Variants in NFRKB observed in about 807,000 individuals in gnomAD.
NFRKB encodes the protein nuclear factor related to kappa-B-binding protein.
A neutral mutation model predicts 135.7 loss-of-function variants in NFRKB; 62 were observed. That is an observed-to-expected ratio of 0.46 (90% CI 0.37 to 0.56). The LOEUF (loss-of-function observed/expected upper bound fraction) is 0.56, where lower values mean the gene tolerates loss of function less well. NFRKB is among the 20% of genes least tolerant of loss of function. NFRKB has a pLI of 0.00. For synonymous variants in NFRKB, 678 were observed against 635.6 expected, an observed-to-expected ratio of 1.07 and a Z score of -1.00; for missense variants, 1,545 against 1,662.0, an observed-to-expected ratio of 0.93 and a Z score of 1.22.
rs1948648521 is a variant in NFRKB, at chr11:129,874,078, T to C, written c.2279+35A>G. 2 of 1,579,644 alleles carry C rather than the reference T, an allele frequency of 1.3e-6. No individual in the cohort carries two copies. The highest frequency in any genetic ancestry group is 1.7e-6 in the Non-Finnish European group (2 of 1,161,210). ...TTAGGACATGCATACAAAAGAACTCTAGAACGAAAAAGCTGAAGAAAAGGA... is the reference window on the plus strand; with the variant it reads ...TTAGGACATGCATACAAAAGAACTCCAGAACGAAAAAGCTGAAGAAAAGGA... On this transcript the variant is annotated intron_variant, in intron 21 of 26. Transcript: ENST00000682444. This position sits in a 1 kb window ranked among gnomAD's most constrained non-coding sequence, Gnocchi z 4.5.
In NFRKB at chr11:129,864,997, T is replaced by G. The variant is rs764111640; in HGVS notation, c.3743A>C (p.Gln1248Pro). 1 of 1,613,276 alleles carries G rather than the reference T, an allele frequency of 6.2e-7. No homozygotes were observed. The highest frequency in any genetic ancestry group is 1.1e-5 in the South Asian group (1 of 91,044). The change falls in exon 26 of 27, where the codon CAG becomes CCG. Residue 1248 changes from glutamine (Q) to proline (P), a missense_variant. Around this residue, in one of 3 missense-constraint regions of NFRKB, gnomAD observed 753 missense variants for 804.3 expected, o/e 0.94. Coordinates refer to ENST00000682444, the MANE Select transcript of NFRKB (RefSeq NM_001143835.2). ...PVSFLTAQQL[Q>P]QLQQQGQATQ... is the part of the protein sequence containing the mutation. ...GGCCTGACCTTGCTGCTGAAGCTGC[T>G]GCAACTGCTGAGCAGTGAGGAAACT...
At chr11:129,894,697 T>G (rs892912618) in intron 1 of NFRKB, among the ~76,000 whole-genome samples, 12 of 152,206 alleles carry the variant, frequency 7.9e-5, no homozygotes, top group Admixed American at 7.9e-4. Context: ...CAGCACATGG[T>G]GAAATGACAT....
Position 129,884,124 on chromosome 11 carries a change from GT to G in NFRKB, c.761del (p.Asp254AlafsTer4). On this transcript the variant is annotated frameshift_variant, in exon 8 of 27. Coordinates refer to ENST00000682444, the MANE Select transcript of NFRKB (RefSeq NM_001143835.2). LOFTEE classifies it high-confidence loss of function. ...MKTADKVELG[D>X]SDLKIMLKKH... Reference sequence around the variant, plus strand: ...TCTTTAACATTATCTTCAGGTCACTGTCCCCCAGTTCTACTTTATCTGAGAA... The same window carrying G: ...TCTTTAACATTATCTTCAGGTCACTGCCCCCAGTTCTACTTTATCTGAGAA... The G allele has an allele frequency of 1.9e-6, 3 of 1,614,104 alleles. No individual in the cohort carries two copies. Among genetic ancestry groups the G allele is most frequent in the Non-Finnish European group, 2.5e-6 (3 of 1,180,012 alleles).
rs1948151181 is a variant in NFRKB at position 129,865,607 on chromosome 11, T to G, written c.3638+270A>C. Among the ~76,000 whole-genome samples, 3 of 152,208 alleles carry G rather than the reference T, an allele frequency of 2.0e-5. No individual in the cohort carries two copies. The South Asian group carries it at 6.2e-4, about 32-fold the overall frequency. On this transcript the variant is annotated intron_variant, in intron 25 of 26. Transcript: ENST00000682444. Reference sequence around the variant, plus strand: ...ACTTCCCACACCCTTTTCTCTCCAGTATGTATCACCACGCATGTTGCTTTT... The same window carrying G: ...ACTTCCCACACCCTTTTCTCTCCAGGATGTATCACCACGCATGTTGCTTTT...
rs374130020 is a variant in NFRKB, at chr11:129,870,049, C to G, written c.2976G>C (p.Gln992His). Reference sequence around the variant, plus strand: ...TGTTGCCTCCTGTCCCGAAGAGGTCCTGGGTCAATTTGACTGTGGTAACCT... The same window carrying G: ...TGTTGCCTCCTGTCCCGAAGAGGTCGTGGGTCAATTTGACTGTGGTAACCT... ...KSQVTTVKLT[Q>H]DLFGTGGNTT... Residue 992 changes from glutamine to histidine, a missense_variant, in exon 24 of 27, where the codon CAG becomes CAC. Gln to His is a conservative substitution (Grantham distance 24, BLOSUM62 0). This residue lies in a region of NFRKB where 753 missense variants were observed against 804.3 expected (regional missense o/e 0.94). Coordinates refer to ENST00000682444, the MANE Select transcript of NFRKB (RefSeq NM_001143835.2). 2.5e-6 allele frequency: 4 copies of G among 1,614,118 alleles called. No homozygotes were observed. The African/African-American group carries it at 4.0e-5, about 16-fold the overall frequency.
At position 129,869,614 on chromosome 11, in the gene NFRKB, A is replaced by G; in HGVS notation, c.3411T>C (p.Ala1137=). 1 of 1,614,242 alleles carries G rather than the reference A, an allele frequency of 6.2e-7. No individual in the cohort carries two copies. The highest frequency in any genetic ancestry group is 2.2e-5 in the East Asian group (1 of 44,888). ...SAVSLPSMNA[A]VSKTVAVASG... Reference sequence around the variant, plus strand: ...AAGCCACAGCTACAGTCTTGGACACAGCAGCATTCATACTGGGTAAGGACA... The same window carrying G: ...AAGCCACAGCTACAGTCTTGGACACGGCAGCATTCATACTGGGTAAGGACA... Residue 1137 remains alanine, a synonymous_variant, in exon 24 of 27, where the codon GCT becomes GCC. Transcript: ENST00000682444.
chr11:129,870,350 G>A (rs1423471932), intron 23 of NFRKB, 89 bp from the exon 24 acceptor site: 1 of 1,406,804 alleles, frequency 7.1e-7, no homozygotes, highest in Non-Finnish European at 9.7e-7. Context: ...TTCATGGGTA[G>A]ATGTTTTGTA....
At position 129,873,029 on chromosome 11, in the gene NFRKB, C is replaced by T. The variant is rs759419540; in HGVS notation, c.2618G>A (p.Gly873Glu). The T allele has an allele frequency of 2.0e-5, 32 of 1,614,016 alleles. No individual in the cohort carries two copies. The East Asian group carries it at 3.3e-4, about 17-fold the overall frequency. Residue 873 changes from glycine to glutamate, a missense_variant, in exon 23 of 27, where the codon GGG becomes GAG. Transcript: ENST00000682444. The part of the protein sequence containing the change: ...TAATVQRPGP[G>E]QTGLTVTSLP... The stretch of plus-strand genomic sequence containing the variant: ...ACTTGTCACCGTGAGCCCTGTCTGC[C>T]CGGGTCCAGGCCGCTGCACAGTGGC...
In NFRKB at chr11:129,886,344, C is replaced by T. The variant is rs1949277177; in HGVS notation, c.438G>A (p.Leu146=). ...LNSQQQYFHR[L]LKQILASRSD... ...TCCGGGAAGCAAGAATTTGCTTCAGCAGCCGATGGAAATACTGCTGCTGGG... is the reference window on the plus strand; with the variant it reads ...TCCGGGAAGCAAGAATTTGCTTCAGTAGCCGATGGAAATACTGCTGCTGGG... The change falls in exon 5 of 27, where the codon CTG becomes CTA. Residue 146 remains leucine, a synonymous_variant. Coordinates refer to ENST00000682444, the MANE Select transcript of NFRKB (RefSeq NM_001143835.2). The T allele has an allele frequency of 1.9e-6, 3 of 1,614,098 alleles. No individual in the cohort carries two copies. The highest frequency in any genetic ancestry group is 2.5e-6 in the Non-Finnish European group (3 of 1,180,004).
chr11:129,881,591 T>C (rs1427242310), intron 12 of NFRKB, 83 bp from the exon 13 acceptor site: 7 of 1,597,804 alleles, frequency 4.4e-6, no homozygotes, highest in South Asian at 2.2e-5. Flanking sequence ...CACAATGTAT[T>C]AGAAAAGCAG....
chr11:129,893,068 G>A, intron 2 of NFRKB, 198 bp from the exon 3 acceptor site: 1 of 1,423,876 alleles, frequency 7.0e-7, no homozygotes, highest in South Asian at 1.5e-5. Flanking sequence ...TTACCTGGAA[G>A]AGCTCTTTTC....
chr11:129,894,552 T>C (rs1949691049), intron 1 of NFRKB, 114 bp from the exon 2 acceptor site: 1 of 152,246 alleles, frequency 6.6e-6, no homozygotes, highest in Non-Finnish European at 1.5e-5. Flanking sequence ...ATATGTAAAA[T>C]GAAGCATGTT....
At chr11:129,867,207 G>A (rs577651502) in intron 24 of NFRKB, among the ~76,000 whole-genome samples, 21 of 152,140 alleles carry the variant, frequency 1.4e-4, no homozygotes, top group African/African-American at 4.6e-4. Context: ...CAGGACAGAT[G>A]ACACTTGATA....
Position 129,865,043 on chromosome 11 carries a change from T to A in NFRKB, c.3697A>T (p.Ile1233Phe). 6.2e-7 allele frequency: 1 copy of A among 1,612,794 alleles called. No homozygotes were observed. The highest frequency in any genetic ancestry group is 1.3e-5 in the African/African-American group (1 of 74,996). Residue 1233 changes from isoleucine to phenylalanine, a missense_variant, in exon 26 of 27, where the codon ATT (isoleucine) becomes TTT (phenylalanine). Ile to Phe is a conservative substitution (Grantham distance 21, BLOSUM62 0). Around this residue, in one of 3 missense-constraint regions of NFRKB, gnomAD observed 753 missense variants for 804.3 expected, o/e 0.94. Coordinates refer to ENST00000682444, the MANE Select transcript of NFRKB (RefSeq NM_001143835.2). ...AAACTAACAGGCTTATTGCCAGCAA[T>A]GAGCTTAGTGCCTGCTGGCATAGTT... ...LTTMPAGTKL[I>F]AGNKPVSFLT...
At chr11:129,888,529 C>T (rs938135199) in intron 4 of NFRKB, 65 bp downstream of exon 4, 1 of 1,408,150 alleles carries the variant, frequency 7.1e-7, no homozygotes, top group African/African-American at 1.4e-5. Flanking sequence ...GAAAGGAATA[C>T]CCACATAAAG....
intron 3 of NFRKB, among the ~76,000 whole-genome samples, chr11:129,889,042 G>A (rs768102518): frequency 2.6e-5 from 4 of 151,078 alleles, no homozygotes; most frequent in Non-Finnish European, 2.9e-5. Flanking sequence ...GCAATGGCAC[G>A]ATCTCTGCTC....
At chr11:129,877,278 G>T in intron 16 of NFRKB, 47 bp downstream of exon 16, 3 of 1,575,804 alleles carry the variant, frequency 1.9e-6, no homozygotes, top group Non-Finnish European at 1.7e-6. Context: ...GCATCTCTCT[G>T]CATGGCTCAC....
rs1949015464 is a variant in NFRKB at position 129,881,334 on chromosome 11, T to G, written c.1384+109A>C. ...CACAGAGCAAAATAAGGTCTGATATTGCTTTTTAAAACCAATCTGCAGGAC... is the reference window on the plus strand; with the variant it reads ...CACAGAGCAAAATAAGGTCTGATATGGCTTTTTAAAACCAATCTGCAGGAC... On this transcript the variant is annotated intron_variant, in intron 13 of 26. Transcript: ENST00000682444. 5 of 1,097,368 alleles carry G rather than the reference T, an allele frequency of 4.6e-6. No homozygotes were observed. The East Asian group carries it at 1.2e-4, about 26-fold the overall frequency. 68.0% of individuals were successfully genotyped at this position (1,097,368 alleles called of 1,614,324 possible). A position where few individuals can be genotyped will look rare whatever the true frequency, so the allele number is the denominator to read the frequency against.
Position 129,882,549 on chromosome 11 carries a change from T to G in NFRKB, c.984A>C (p.Ser328=). The G allele has an allele frequency of 2.5e-6, 4 of 1,614,174 alleles. No homozygotes were observed. The highest frequency in any genetic ancestry group is 1.1e-5 in the South Asian group (1 of 91,084). The change falls in exon 10 of 27, where the codon TCA becomes TCC. Residue 328 remains serine (S), a synonymous_variant. Coordinates refer to ENST00000682444, the MANE Select transcript of NFRKB (RefSeq NM_001143835.2). ...GCGGCTCGGCCAGGTCCTCTGCCTCTGATTTGATCGTTTTTATTTTCTTCT... is the reference window on the plus strand; with the variant it reads ...GCGGCTCGGCCAGGTCCTCTGCCTCGGATTTGATCGTTTTTATTTTCTTCT... ...KKKKKIKTIK[S]EAEDLAEPLS...
Sources: gnomAD v4.1 joint callset for allele counts (sites outside exome capture counted in the v4.1 genomes callset) on GRCh38, gnomAD v4.1.1 for gene constraint, gnomAD v4.1.1 regional missense constraint, Gnocchi (gnomAD v3.1) non-coding constraint, MANE v1.5 for transcripts, NCBI Gene and HGNC (gene_info 2026-07-23, HGNC 2026-07-21) for gene names.